ZNF469: variants seen among roughly 807,000 people sequenced by gnomAD.
ZNF469 encodes zinc finger protein 469.
A neutral mutation model predicts 1.0 loss-of-function variants in ZNF469; 1 was observed. That is an observed-to-expected ratio of 1.00 (90% CI 0.35 to 4.73). ZNF469 has a LOEUF of 4.73. Among genes scored for constraint, ZNF469 ranks in the 30% most tolerant of loss-of-function variants. The probability of loss-of-function intolerance (pLI) is 0.16; values close to 1 mark genes in which losing one functional copy is unlikely to be tolerated. For synonymous variants in ZNF469, 2,703 were observed against 2,363.4 expected (o/e 1.14, Z -4.17); for missense variants, 6,100 against 5,356.3 (o/e 1.14, Z -4.33).
chr16:88,230,382 AC>A, the ZNF469 span, among the ~76,000 whole-genome samples: 1 of 152,078 alleles, frequency 6.6e-6, no homozygotes, highest in Non-Finnish European at 1.5e-5. Flanking sequence ...TTTGGGGGTG[AC>A]CCCAGGCAGC....
At chr16:88,413,301 C>T (rs528640945) in intron 1 of ZNF469, among the ~76,000 whole-genome samples, 21 of 152,328 alleles carry the variant, frequency 1.4e-4, no homozygotes, top group African/African-American at 5.1e-4. Flanking sequence ...CCAGGACAGA[C>T]CCGCTCTGTC....
At chr16:88,201,276 G>A in the ZNF469 span, among the ~76,000 whole-genome samples, 2 of 152,300 alleles carry the variant, frequency 1.3e-5, no homozygotes, top group East Asian at 1.9e-4. The surrounding 1 kb of genome is among the most constrained non-coding windows in gnomAD (Gnocchi z 5.0). Flanking sequence ...AGGGTTGGCC[G>A]GGTGCAGTGG....
chr16:88,369,872 G>A, the ZNF469 span, among the ~76,000 whole-genome samples: 11 of 152,132 alleles, frequency 7.2e-5, no homozygotes, highest in East Asian at 5.8e-4. Flanking sequence ...CGTCCCCACC[G>A]CGCCCTCAGA....
At chr16:88,251,358 GTCTACATGCAC>G in the ZNF469 span, among the ~76,000 whole-genome samples, 692 of 152,210 alleles carry the variant, frequency 4.5e-3, 4 homozygotes, top group African/African-American at 0.016. Context: ...CATGTGTCAT[GTCTACATGCAC>G]GTGTCAGGTA....
At position 88,429,467 on chromosome 16, in the gene ZNF469, C is replaced by T; in HGVS notation, c.1997C>T (p.Ala666Val). ...SLPTHYQPEP[A>V]KAFPFPADGL... is the part of the protein sequence containing the mutation. ...CCCACCCACTACCAGCCAGAGCCAG[C>T]CAAGGCCTTCCCTTTTCCCGCAGAT... Residue 666 changes from alanine (A) to valine (V), a missense_variant, in exon 3 of 3, where the codon GCC (alanine) becomes GTC (valine). Coordinates refer to ENST00000565624, the MANE Select transcript of ZNF469 (RefSeq NM_001367624.2). 1 of 1,549,762 alleles carries T rather than the reference C, an allele frequency of 6.5e-7. No homozygotes were observed.
At chr16:88,386,882 G>C (rs946268948) in intron 1 of ZNF469, among the ~76,000 whole-genome samples, 1 of 152,140 alleles carries the variant, frequency 6.6e-6, no homozygotes, top group African/African-American at 2.4e-5. Context: ...CTGTTTCTTT[G>C]GCCACTCCCT....
chr16:88,279,594 G>A, the ZNF469 span, among the ~76,000 whole-genome samples: 6 of 106,964 alleles, frequency 5.6e-5, no homozygotes, highest in Admixed American at 9.0e-5. Context: ...GGTCAGTACC[G>A]TGTAGATATC....
chr16:88,109,874 C>A, the ZNF469 span, among the ~76,000 whole-genome samples: 1 of 152,222 alleles, frequency 6.6e-6, no homozygotes. Flanking sequence ...GGGGCTTTGC[C>A]AGCTTGCTCA....
At chr16:88,154,720 A>G in the ZNF469 span, among the ~76,000 whole-genome samples, 3 of 152,114 alleles carry the variant, frequency 2.0e-5, no homozygotes, top group Admixed American at 2.0e-4. Context: ...TCATTTGTCT[A>G]TCACTGTCTG....
the ZNF469 span, among the ~76,000 whole-genome samples, chr16:88,350,305 T>G: frequency 6.6e-6 from 1 of 152,172 alleles, no homozygotes. Flanking sequence ...CTTGGCATGA[T>G]CCACGCAGGG....
the ZNF469 span, among the ~76,000 whole-genome samples, chr16:88,158,532 G>T: frequency 4.9e-4 from 71 of 144,702 alleles, no homozygotes; most frequent in African/African-American, 1.5e-3. Context: ...GCCTGCCTCT[G>T]CGCAGAAGCC....
At chr16:88,220,558 C>T in the ZNF469 span, among the ~76,000 whole-genome samples, 1 of 148,014 alleles carries the variant, frequency 6.8e-6, no homozygotes, top group South Asian at 2.2e-4. Context: ...ACTTACTGAG[C>T]CCCTGGAGCA....
At chr16:88,279,376 A>T in the ZNF469 span, among the ~76,000 whole-genome samples, 1 of 151,412 alleles carries the variant, frequency 6.6e-6, no homozygotes, top group Non-Finnish European at 1.5e-5. Context: ...ACGCTCAGTC[A>T]GTACCTTGTA....
chr16:88,404,375 G>A (rs557214393), intron 1 of ZNF469, among the ~76,000 whole-genome samples: 7 of 152,314 alleles, frequency 4.6e-5, no homozygotes, highest in South Asian at 4.1e-4. Flanking sequence ...CGGCGCCGGC[G>A]GTGCGTGTGC....
chr16:88,380,572 C>T (rs565392685), upstream of ZNF469, among the ~76,000 whole-genome samples: 2 of 149,236 alleles, frequency 1.3e-5, no homozygotes, highest in East Asian at 4.0e-4. Flanking sequence ...CACAGACGCC[C>T]TCACACAGAC....
At chr16:88,320,208 T>G in the ZNF469 span, among the ~76,000 whole-genome samples, 76 of 152,314 alleles carry the variant, frequency 5.0e-4, no homozygotes, top group Middle Eastern at 3.4e-3. Flanking sequence ...CCACCCAATT[T>G]ATATAATCCT....
At chr16:88,203,689 C>G in the ZNF469 span, among the ~76,000 whole-genome samples, 4 of 152,068 alleles carry the variant, frequency 2.6e-5, no homozygotes, top group African/African-American at 7.2e-5. Flanking sequence ...CACTCCAGTC[C>G]CACCTCATCC....
rs1906174955 is a variant in ZNF469, at chr16:88,431,423, A to AC, written c.3959dup (p.Ala1321CysfsTer13). 1.3e-6 allele frequency: 2 copies of AC among 1,549,462 alleles called. No individual in the cohort carries two copies. Among genetic ancestry groups the AC allele is most frequent in the East Asian group, 2.4e-5 (1 of 40,856 alleles). Reference sequence around the variant, plus strand: ...GCCCCAGTCTCCCACAACAGCAAGGACCCCCCTGCCCGCCAGCCTGGAGAA... The same window carrying AC: ...GCCCCAGTCTCCCACAACAGCAAGGACCCCCCCTGCCCGCCAGCCTGGAGAA... On this transcript the variant is annotated frameshift_variant, in exon 3 of 3. Transcript: ENST00000565624. LOFTEE classifies it low-confidence loss of function (END_TRUNC).
intron 1 of ZNF469, among the ~76,000 whole-genome samples, chr16:88,407,674 A>C (rs1829820995): frequency 6.6e-6 from 1 of 152,348 alleles, no homozygotes; most frequent in African/African-American, 2.4e-5. Flanking sequence ...CAGGCCTGGC[A>C]TGCATTTCTA....
Sources: gnomAD v4.1 joint callset for allele counts (sites outside exome capture counted in the v4.1 genomes callset) on GRCh38, gnomAD v4.1.1 for gene constraint, Gnocchi (gnomAD v3.1) non-coding constraint, MANE v1.5 for transcripts, NCBI Gene and HGNC (gene_info 2026-07-23, HGNC 2026-07-21) for gene names.